The following TGFBRAP1 variants were observed in gnomAD, a reference collection of about 807,000 sequenced individuals.
The protein encoded by TGFBRAP1 is transforming growth factor-beta receptor-associated protein 1.
In TGFBRAP1, 20 loss-of-function variants were observed where a neutral mutation model predicts 83.2. The ratio of observed to expected loss-of-function variants is 0.24; its 90% CI spans 0.17 to 0.35. TGFBRAP1 has a LOEUF of 0.35. Ranked by LOEUF, TGFBRAP1 falls within the 10% of genes least tolerant of loss-of-function variation. The pLI is 1.00. For synonymous variants in TGFBRAP1, 415 were observed against 459.8 expected (o/e 0.90, Z 1.25); for missense variants, 950 against 1,099.4 (o/e 0.86, Z 1.92).
chr2:105,315,466 T>C (rs1301592557), intron 1 of TGFBRAP1, among the ~76,000 whole-genome samples: 1 of 152,206 alleles, frequency 6.6e-6, no homozygotes, highest in African/African-American at 2.4e-5. Context: ...TTGTAATGCA[T>C]ATATCTGGCA....
rs761887359 is a variant in TGFBRAP1, at chr2:105,307,665, C to G, written c.637G>C (p.Val213Leu). 1 of 1,614,008 alleles carries G rather than the reference C, an allele frequency of 6.2e-7. No individual in the cohort carries two copies. The change falls in exon 2 of 12, where the codon GTC becomes CTC. Residue 213 changes from valine to leucine, a missense_variant. Physicochemically the swap from Val to Leu is conservative, Grantham distance 32 (BLOSUM62 1). Coordinates refer to ENST00000393359, the MANE Select transcript of TGFBRAP1 (RefSeq NM_004257.6). ...AACTCCTGTCTCCCTATCCTCTTGACGATCGGCGGCCTCTCCTCACTGCAG... is the reference window on the plus strand; with the variant it reads ...AACTCCTGTCTCCCTATCCTCTTGAGGATCGGCGGCCTCTCCTCACTGCAG... ...PYCSEERPPIVKRIGRQEFLL... is the reference protein window; with the variant it reads ...PYCSEERPPILKRIGRQEFLL...
At chr2:105,285,306 C>T (rs1677677521) in intron 4 of TGFBRAP1, among the ~76,000 whole-genome samples, 1 of 152,236 alleles carries the variant, frequency 6.6e-6, no homozygotes, top group Non-Finnish European at 1.5e-5. Context: ...CCTAGCGTCT[C>T]CCACTACTAG....
intron 1 of TGFBRAP1, among the ~76,000 whole-genome samples, chr2:105,311,407 C>A (rs1210882569): frequency 6.6e-6 from 1 of 151,962 alleles, no homozygotes; most frequent in African/African-American, 2.4e-5. Flanking sequence ...TTATCCTTAA[C>A]CCTGTCTCTA....
chr2:105,316,462 TGCGC>T (rs764527678), intron 1 of TGFBRAP1, among the ~76,000 whole-genome samples: 871 of 84,680 alleles, frequency 0.01, 5 homozygotes, highest in Non-Finnish European at 0.013. Context: ...TGTGTGTGTG[TGCGC>T]GCGCGCGCGC....
At chr2:105,300,185 T>A (rs1678236058) in intron 2 of TGFBRAP1, among the ~76,000 whole-genome samples, 2 of 152,152 alleles carry the variant, frequency 1.3e-5, no homozygotes, top group South Asian at 4.1e-4. Context: ...ACTATAAACC[T>A]CTGGTTTAAA....
intron 1 of TGFBRAP1, among the ~76,000 whole-genome samples, chr2:105,316,454 TGTGTGTGTGC>T (rs1485631429): frequency 5.3e-5 from 4 of 75,750 alleles, no homozygotes; most frequent in African/African-American, 1.5e-4. Context: ...TGTGTGTGTG[TGTGTGTGTGC>T]GCGCGCGCGC....
chr2:105,299,174 G>C (rs6752669), intron 2 of TGFBRAP1, among the ~76,000 whole-genome samples: 26,101 of 151,894 alleles, frequency 0.17, 2,798 homozygotes, highest in Middle Eastern at 0.26. Context: ...CCAGCTACTC[G>C]GGAGGCTAAG....
At chr2:105,275,020 C>T (rs1033983586) in intron 8 of TGFBRAP1, among the ~76,000 whole-genome samples, 14 of 152,210 alleles carry the variant, frequency 9.2e-5, no homozygotes, top group African/African-American at 3.4e-4. Context: ...GGTGCTTTTT[C>T]ACTGCCAGCA....
In TGFBRAP1 at chr2:105,275,591, T is replaced by C. The variant is rs1677311737; in HGVS notation, c.1634A>G (p.Tyr545Cys). The change falls in exon 8 of 12, where the codon TAT (tyrosine) becomes TGT (cysteine). Residue 545 changes from tyrosine to cysteine, a missense_variant. Transcript: ENST00000393359. ...ACTTTTCTGCAGGACCCAATCAGCA[T>C]AGGCCCACACTAGTTCCTCGTCTAA... ...YCLDEELVWA[Y>C]ADWVLQKSEE... is the part of the protein sequence containing the mutation. The C allele has an allele frequency of 1.9e-6, 3 of 1,614,160 alleles. No individual in the cohort carries two copies. Among genetic ancestry groups the C allele is most frequent in the Middle Eastern group, 1.6e-4 (1 of 6,062 alleles).
Position 105,264,587 on chromosome 2 carries a change from G to A in TGFBRAP1, c.*2796C>T, listed in dbSNP as rs946118336. 6.6e-6 allele frequency: 1 copy of A among 152,212 alleles called. No homozygotes were observed. The highest frequency in any genetic ancestry group is 1.5e-5 in the Non-Finnish European group (1 of 68,042). The allele number at this position is 152,212 out of a possible 1,614,324, so 9.4% of individuals were successfully genotyped here. ...TGTGGGAGAGCAAGCAAAAAGCAAG[G>A]GCTGCCCCAGTTGCATCATGGGCAT... On this transcript the variant is annotated 3_prime_UTR_variant, in exon 12 of 12. Coordinates refer to ENST00000393359, the MANE Select transcript of TGFBRAP1 (RefSeq NM_004257.6).
intron 1 of TGFBRAP1, among the ~76,000 whole-genome samples, chr2:105,316,481 A>G (rs75604662): frequency 0.078 from 7,276 of 93,740 alleles, 336 homozygotes; most frequent in African/African-American, 0.19. Context: ...GCGCGCGCGC[A>G]CGCGCACATA....
chr2:105,261,413 C>T (rs17636747), downstream of TGFBRAP1, among the ~76,000 whole-genome samples: 2,866 of 152,152 alleles, frequency 0.019, 55 homozygotes, highest in Non-Finnish European at 0.028. Context: ...GGAAAATGTT[C>T]TCTAGAGAAA....
At chr2:105,280,261 A>C in intron 6 of TGFBRAP1, 121 bp downstream of exon 6, 1 of 1,036,314 alleles carries the variant, frequency 9.6e-7, no homozygotes. Context: ...AGTCACCTAT[A>C]GGTACTTGGG....
At chr2:105,305,464 T>A (rs1040655728) in intron 2 of TGFBRAP1, among the ~76,000 whole-genome samples, 1 of 152,168 alleles carries the variant, frequency 6.6e-6, no homozygotes, top group African/African-American at 2.4e-5. Flanking sequence ...GTTAAAGCAC[T>A]GATTCTTCAT....
intron 1 of TGFBRAP1, among the ~76,000 whole-genome samples, chr2:105,328,878 AGAC>A (rs1379328027): frequency 6.6e-6 from 1 of 152,200 alleles, no homozygotes; most frequent in East Asian, 1.9e-4. Flanking sequence ...CGGCAGGTGC[AGAC>A]AACCGGACAG....
At chr2:105,300,282 T>C (rs981077430) in intron 2 of TGFBRAP1, among the ~76,000 whole-genome samples, 5 of 152,170 alleles carry the variant, frequency 3.3e-5, no homozygotes, top group Non-Finnish European at 7.3e-5. Flanking sequence ...TTGCTTATAA[T>C]TGTGCCAGTT....
intron 2 of TGFBRAP1, among the ~76,000 whole-genome samples, chr2:105,307,076 C>T (rs1354539794): frequency 2.6e-5 from 4 of 151,970 alleles, no homozygotes; most frequent in Non-Finnish European, 2.9e-5. Flanking sequence ...AAGGCAGAAG[C>T]GGGAAAACTA....
At chr2:105,274,470 T>C (rs576429562) in intron 8 of TGFBRAP1, among the ~76,000 whole-genome samples, 7 of 152,356 alleles carry the variant, frequency 4.6e-5, no homozygotes, top group Non-Finnish European at 1.0e-4. Flanking sequence ...CTCTACCAAC[T>C]ATAGCCTCAG....
chr2:105,296,262 G>C (rs540051822), intron 4 of TGFBRAP1, 94 bp downstream of exon 4: 1 of 1,447,356 alleles, frequency 6.9e-7, no homozygotes, highest in East Asian at 2.3e-5. Context: ...TGTACAGCCC[G>C]GTACACAGGA....
Sources: allele counts gnomAD v4.1 joint callset (sites outside exome capture counted in the v4.1 genomes callset), GRCh38; gene constraint gnomAD v4.1.1; transcripts MANE v1.5; gene names NCBI Gene and HGNC (gene_info 2026-07-23, HGNC 2026-07-21).